EPHA6: variants seen among roughly 807,000 people sequenced by gnomAD.
The protein encoded by EPHA6 is ephrin type-A receptor 6.
A neutral mutation model predicts 112.0 loss-of-function variants in EPHA6; 50 were observed. That is an observed-to-expected ratio of 0.45 (90% confidence interval 0.36 to 0.56). The LOEUF is 0.56. Among genes scored for constraint, EPHA6 ranks in the 20% least tolerant of loss-of-function variants. EPHA6 has a pLI of 0.00. For synonymous variants in EPHA6, 529 were observed against 490.7 expected, an observed-to-expected ratio of 1.08 and a Z score of -1.03; for missense variants, 1,280 against 1,417.4, an observed-to-expected ratio of 0.90 and a Z score of 1.56.
intron 6 of EPHA6, among the ~76,000 whole-genome samples, chr3:97,409,742 A>C (rs1008903105): frequency 6.6e-6 from 1 of 152,170 alleles, no homozygotes; most frequent in East Asian, 1.9e-4. Context: ...TTATTCTCAC[A>C]TCCAGTATTT....
chr3:97,483,729 C>G (rs992045269), intron 9 of EPHA6, among the ~76,000 whole-genome samples: 1 of 152,116 alleles, frequency 6.6e-6, no homozygotes, highest in Non-Finnish European at 1.5e-5. Flanking sequence ...AGAAATCCAC[C>G]AGGTCATTCT....
chr3:97,064,406 T>G (rs1356472732), intron 3 of EPHA6, among the ~76,000 whole-genome samples: 1 of 152,174 alleles, frequency 6.6e-6, no homozygotes, highest in Admixed American at 6.5e-5. Context: ...AAGAGCCAAC[T>G]TCTCTTTCTT....
At chr3:96,997,898 T>G (rs527494775) in intron 3 of EPHA6, among the ~76,000 whole-genome samples, 1 of 152,156 alleles carries the variant, frequency 6.6e-6, no homozygotes, top group African/African-American at 2.4e-5. Flanking sequence ...AAATGCAATA[T>G]CTGCAAATTG....
At chr3:97,558,791 T>C (rs889306313) in intron 11 of EPHA6, among the ~76,000 whole-genome samples, 1 of 151,902 alleles carries the variant, frequency 6.6e-6, no homozygotes, top group African/African-American at 2.4e-5. Context: ...CATGGTCCAC[T>C]GTATCCCTGG....
At chr3:96,967,471 T>C (rs193190626) in intron 2 of EPHA6, among the ~76,000 whole-genome samples, 5 of 151,994 alleles carry the variant, frequency 3.3e-5, no homozygotes, top group Admixed American at 3.3e-4. Context: ...CCACAATTAT[T>C]TTTCAAACTT....
rs201736714 is a variant in EPHA6 at position 97,386,343 on chromosome 3, G to T, written c.1607-18807G>T. ...ACTAATACAGAAAATTTGAATAAAA[G>T]AAATAATAAGGGTACAGACATCGGG... On this transcript the variant is annotated intron_variant, in intron 5 of 17. Transcript: ENST00000389672. 7.2e-5 allele frequency among the ~76,000 whole-genome samples: 11 copies of T among 152,170 alleles called. No individual in the cohort carries two copies. The East Asian group carries it at 1.9e-3, about 27-fold the overall frequency.
intron 2 of EPHA6, among the ~76,000 whole-genome samples, chr3:96,899,724 T>C (rs1421930448): frequency 6.6e-6 from 1 of 152,210 alleles, no homozygotes; most frequent in Non-Finnish European, 1.5e-5. Flanking sequence ...GTTTTTAGTA[T>C]TTTATTTATA....
chr3:97,338,860 AG>A, intron 5 of EPHA6, among the ~76,000 whole-genome samples: 2 of 152,302 alleles, frequency 1.3e-5, no homozygotes, highest in South Asian at 4.1e-4. Context: ...TGTGATCAAA[AG>A]GCTTCCCACA....
chr3:97,579,798 C>T (rs991673117), intron 11 of EPHA6, among the ~76,000 whole-genome samples: 14 of 152,050 alleles, frequency 9.2e-5, no homozygotes, highest in Non-Finnish European at 4.4e-5. Context: ...TATTGCTTCT[C>T]GGCCTTTTGG....
intron 2 of EPHA6, among the ~76,000 whole-genome samples, chr3:96,965,770 A>G (rs1454188401): frequency 2.6e-5 from 4 of 152,130 alleles, no homozygotes; most frequent in Non-Finnish European, 5.9e-5. Context: ...GTATTAATGT[A>G]TAATTTTACC....
chr3:96,865,170 A>G (rs186527775), intron 1 of EPHA6, among the ~76,000 whole-genome samples: 12 of 152,230 alleles, frequency 7.9e-5, no homozygotes, highest in Admixed American at 5.2e-4. Context: ...TTACAAATGT[A>G]TGTTTAGTGA....
chr3:97,608,897 GAGAC>G lies in EPHA6; in HGVS notation c.2513-1891_2513-1888del, dbSNP rs547014182. On this transcript the variant is annotated intron_variant, in intron 12 of 17. Coordinates refer to ENST00000389672, the MANE Select transcript of EPHA6 (RefSeq NM_001080448.3). ...CATAAAGGTTAAGATCTCAAACTCTGAGACAGACTACTTGATACTGCCACTTACC... is the reference window on the plus strand; with the variant it reads ...CATAAAGGTTAAGATCTCAAACTCTGAGACTACTTGATACTGCCACTTACC... Among the ~76,000 whole-genome samples the G allele has an allele frequency of 1.2e-3, 185 of 151,388 alleles. 1 individual carries two copies. The highest frequency in any genetic ancestry group is 4.3e-3 in the African/African-American group (179 of 41,472).
intron 12 of EPHA6, among the ~76,000 whole-genome samples, chr3:97,595,707 G>A (rs2093583025): frequency 1.3e-5 from 2 of 151,322 alleles, no homozygotes; most frequent in Admixed American, 6.6e-5. Context: ...GAGAGGAAGC[G>A]AAGGAGAAAA....
chr3:97,361,767 C>T (rs2084385767), intron 5 of EPHA6, among the ~76,000 whole-genome samples: 1 of 152,162 alleles, frequency 6.6e-6, no homozygotes, highest in Admixed American at 6.5e-5. Flanking sequence ...AAAGAGCTCT[C>T]ATGACCCAAT....
At chr3:97,202,490 C>G (rs898962638) in intron 3 of EPHA6, among the ~76,000 whole-genome samples, 1 of 151,978 alleles carries the variant, frequency 6.6e-6, no homozygotes, top group African/African-American at 2.4e-5. Context: ...TGCCTCCATG[C>G]CCGGCTAGGT....
intron 3 of EPHA6, among the ~76,000 whole-genome samples, chr3:97,076,733 G>A (rs1002068993): frequency 1.3e-5 from 2 of 152,082 alleles, no homozygotes; most frequent in East Asian, 3.9e-4. Flanking sequence ...CTGCTGTTAC[G>A]GGCTAATGCA....
Position 97,486,784 on chromosome 3 carries a change from T to C in EPHA6, c.2200+2725T>C, listed in dbSNP as rs770862081. Among the ~76,000 whole-genome samples, 102 of 152,206 alleles carry C rather than the reference T, an allele frequency of 6.7e-4. 2 individuals carry two copies. Among genetic ancestry groups the C allele is most frequent in the Non-Finnish European group, 1.3e-4 (9 of 68,030 alleles). ...GTTTCTAAAACTTTACTTTTGTGAC[T>C]GTGTGAAGTGTGAACGTATTCCATA... On this transcript the variant is annotated intron_variant, in intron 10 of 17. Transcript: ENST00000389672.
At chr3:97,521,538 C>T (rs1019668717) in intron 10 of EPHA6, among the ~76,000 whole-genome samples, 2 of 152,140 alleles carry the variant, frequency 1.3e-5, no homozygotes, top group South Asian at 4.1e-4. Flanking sequence ...TCTTGTAAAA[C>T]CATCAGATCT....
intron 5 of EPHA6, among the ~76,000 whole-genome samples, chr3:97,381,543 C>T (rs891898742): frequency 6.6e-6 from 1 of 152,062 alleles, no homozygotes; most frequent in Non-Finnish European, 1.5e-5. Flanking sequence ...TTAGGTAAAC[C>T]ACATCACATG....
Sources: allele counts gnomAD v4.1 joint callset (sites outside exome capture counted in the v4.1 genomes callset), GRCh38; gene constraint gnomAD v4.1.1; transcripts MANE v1.5; gene names NCBI Gene and HGNC (gene_info 2026-07-23, HGNC 2026-07-21).